NRXN1: variants seen among roughly 807,000 people sequenced by gnomAD.
The protein encoded by NRXN1 is neurexin 1, also known as neurexin-1.
A neutral mutation model predicts 150.9 loss-of-function variants in NRXN1; 39 were observed. The ratio of observed to expected loss-of-function variants is 0.26; its 90% CI spans 0.20 to 0.34. The LOEUF (loss-of-function observed/expected upper bound fraction) is 0.34, where lower values mean the gene tolerates loss of function less well. Among genes scored for constraint, NRXN1 ranks in the 10% least tolerant of loss-of-function variants. NRXN1 has a pLI of 1.00. For synonymous variants in NRXN1, 924 were observed against 757.0 expected, an observed-to-expected ratio of 1.22 and a Z score of -3.62; for missense variants, 1,815 against 1,949.9, an observed-to-expected ratio of 0.93 and a Z score of 1.30.
At chr2:50,104,095 G>T (rs1013360829) in intron 18 of NRXN1, among the ~76,000 whole-genome samples, 10 of 152,000 alleles carry the variant, frequency 6.6e-5, no homozygotes, top group Admixed American at 1.3e-4. Context: ...GCTGAATAAG[G>T]GATAGTGTTT....
At chr2:50,393,673 G>A (rs545182123) in intron 17 of NRXN1, among the ~76,000 whole-genome samples, 6 of 151,996 alleles carry the variant, frequency 3.9e-5, no homozygotes, top group Non-Finnish European at 7.4e-5. Context: ...TTGTTACATC[G>A]AAGTGTTCCT....
chr2:50,302,883 G>T (rs1208122550), intron 17 of NRXN1, among the ~76,000 whole-genome samples: 1 of 151,380 alleles, frequency 6.6e-6, no homozygotes, highest in Non-Finnish European at 1.5e-5. Flanking sequence ...AAATAAATCT[G>T]CATTCATTTA....
At chr2:50,999,487 C>T (rs1012558492) in intron 2 of NRXN1, among the ~76,000 whole-genome samples, 3 of 151,930 alleles carry the variant, frequency 2.0e-5, no homozygotes, top group African/African-American at 7.2e-5. Context: ...AGCACAATTC[C>T]AGGTACTCCC....
intron 18 of NRXN1, among the ~76,000 whole-genome samples, chr2:50,229,368 T>C (rs1447926069): frequency 2.6e-5 from 4 of 152,000 alleles, no homozygotes; most frequent in African/African-American, 9.7e-5. Context: ...TTCCTGATCA[T>C]TGTGCAAATG....
At chr2:50,319,858 A>T (rs1284073128) in intron 17 of NRXN1, among the ~76,000 whole-genome samples, 1 of 152,008 alleles carries the variant, frequency 6.6e-6, no homozygotes, top group Non-Finnish European at 1.5e-5. Context: ...TTAAGCTCCA[A>T]CTTCACTATG....
At chr2:50,448,342 G>A (rs1003280564) in intron 17 of NRXN1, among the ~76,000 whole-genome samples, 1 of 151,930 alleles carries the variant, frequency 6.6e-6, no homozygotes, top group Non-Finnish European at 1.5e-5. Context: ...AGAATAGAAC[G>A]GCAAAACCAA....
In NRXN1 at chr2:50,411,670, C is replaced by T. The variant is rs538764147; in HGVS notation, c.3364+53772G>A. 1.8e-4 allele frequency among the ~76,000 whole-genome samples: 27 copies of T among 146,852 alleles called. No homozygotes were observed. The East Asian group carries it at 4.3e-3, about 23-fold the overall frequency. On this transcript the variant is annotated intron_variant, in intron 17 of 22. Transcript: ENST00000401669. ...TCTGAGAAGTGAGGAGCCCCTCCGC[C>T]CGGCAGCCGCCCTGTCTGGGAGGTG...
At chr2:50,841,440 C>G (rs1431018359) in intron 5 of NRXN1, among the ~76,000 whole-genome samples, 1 of 152,178 alleles carries the variant, frequency 6.6e-6, no homozygotes, top group Non-Finnish European at 1.5e-5. Context: ...CTATCCTCCT[C>G]TGGAATCCAG....
intron 19 of NRXN1, among the ~76,000 whole-genome samples, chr2:50,075,130 A>C (rs1465781022): frequency 6.6e-6 from 1 of 152,210 alleles, no homozygotes; most frequent in Non-Finnish European, 1.5e-5. Flanking sequence ...AAAACAATTA[A>C]AATCTGAAAC....
At chr2:50,722,953 C>A (rs1288257111) in intron 5 of NRXN1, among the ~76,000 whole-genome samples, 1 of 152,062 alleles carries the variant, frequency 6.6e-6, no homozygotes, top group Non-Finnish European at 1.5e-5. Context: ...ATTTTAAAGG[C>A]CTCTCACACT....
At chr2:50,219,711 A>G (rs2063662272) in intron 18 of NRXN1, among the ~76,000 whole-genome samples, 2 of 149,748 alleles carry the variant, frequency 1.3e-5, no homozygotes, top group South Asian at 4.2e-4. Context: ...ACATGGTGAG[A>G]CCCCATCTCT....
intron 17 of NRXN1, among the ~76,000 whole-genome samples, chr2:50,316,106 G>T (rs1162556699): frequency 3.9e-5 from 6 of 152,064 alleles, no homozygotes; most frequent in Non-Finnish European, 8.8e-5. Context: ...ATCTTCCCAT[G>T]ACTTTGAGCT....
chr2:50,930,936 G>A (rs947456302), intron 2 of NRXN1, among the ~76,000 whole-genome samples: 2 of 152,078 alleles, frequency 1.3e-5, no homozygotes, highest in African/African-American at 4.8e-5. Flanking sequence ...CATATTTTAG[G>A]ATACAGAGCA....
chr2:50,188,408 A>C (rs2152819264), intron 18 of NRXN1, among the ~76,000 whole-genome samples: 1 of 152,254 alleles, frequency 6.6e-6, no homozygotes, highest in South Asian at 2.1e-4. Flanking sequence ...AAGACCTAAA[A>C]CCATAAAAAC....
intron 2 of NRXN1, among the ~76,000 whole-genome samples, chr2:50,970,600 G>C (rs960105109): frequency 1.3e-5 from 2 of 152,042 alleles, no homozygotes; most frequent in Non-Finnish European, 2.9e-5. Flanking sequence ...AATTATTCTT[G>C]ATTCCAACTT....
intron 5 of NRXN1, among the ~76,000 whole-genome samples, chr2:50,638,748 T>C (rs958881018): frequency 6.6e-6 from 1 of 152,168 alleles, no homozygotes. Context: ...TGACAGTATA[T>C]GGCAAAAATA....
chr2:50,699,954 A>G (rs1224502245), intron 5 of NRXN1, among the ~76,000 whole-genome samples: 1 of 152,130 alleles, frequency 6.6e-6, no homozygotes, highest in East Asian at 1.9e-4. Context: ...CAAGTACTGC[A>G]CTCTGTCCAC....
intron 5 of NRXN1, among the ~76,000 whole-genome samples, chr2:50,732,486 G>A (rs1698225037): frequency 6.6e-6 from 1 of 152,114 alleles, no homozygotes; most frequent in Non-Finnish European, 1.5e-5. Context: ...ACTTTTCACT[G>A]AATGAAACAT....
chr2:50,206,693 G>A lies in NRXN1; in HGVS notation c.3546+30096C>T, dbSNP rs553279645. 1.1e-4 allele frequency among the ~76,000 whole-genome samples: 17 copies of A among 151,934 alleles called. No individual in the cohort carries two copies. In the South Asian group the frequency reaches 3.5e-3, roughly 32 times the overall value. On this transcript the variant is annotated intron_variant, in intron 18 of 22. Coordinates refer to ENST00000401669, the MANE Select transcript of NRXN1 (RefSeq NM_001330078.2). ...TGTCTGGAAGGTTTTGTTTTGTTTTGTTTTCAGCTTTGCTCTACTATTGAA... is the reference window on the plus strand; with the variant it reads ...TGTCTGGAAGGTTTTGTTTTGTTTTATTTTCAGCTTTGCTCTACTATTGAA...
Sources: allele counts gnomAD v4.1 joint callset (sites outside exome capture counted in the v4.1 genomes callset), GRCh38; gene constraint gnomAD v4.1.1; transcripts MANE v1.5; gene names NCBI Gene and HGNC (gene_info 2026-07-23, HGNC 2026-07-21).